DDR2: variants seen among roughly 807,000 people sequenced by gnomAD.
DDR2 encodes the protein discoidin domain receptor tyrosine kinase 2.
DDR2 carries 27 observed loss-of-function variants against 94.9 expected under a neutral mutation model. That is an observed-to-expected ratio of 0.28 (90% CI 0.21 to 0.39). DDR2 has a LOEUF of 0.39. Ranked by LOEUF, DDR2 falls within the 10% of genes least tolerant of loss-of-function variation. The pLI is 1.00. For missense variants in DDR2, 783 were observed against 1,076.0 expected (o/e 0.73, Z 3.81); for synonymous variants, 382 against 377.2 (o/e 1.01, Z -0.15).
chr1:162,652,609 A>C (rs17472834), intron 1 of DDR2, among the ~76,000 whole-genome samples: 2,520 of 152,358 alleles, frequency 0.017, 24 homozygotes, highest in Non-Finnish European at 0.026. Context: ...ACAGACAATA[A>C]GGAGAGAGGA....
chr1:162,741,194 T>TAACACAATAC (rs1553250247), intron 3 of DDR2, among the ~76,000 whole-genome samples: 3 of 77,542 alleles, frequency 3.9e-5, no homozygotes, highest in Admixed American at 1.4e-4. Flanking sequence ...TAACATAACA[T>TAACACAATAC]AATACAATAC....
At chr1:162,732,130 C>T (rs757554385) in intron 3 of DDR2, among the ~76,000 whole-genome samples, 13 of 152,198 alleles carry the variant, frequency 8.5e-5, no homozygotes, top group Non-Finnish European at 1.6e-4. Context: ...GTATTTTGGG[C>T]TTCCAGGAAA....
At chr1:162,647,631 G>C (rs913458679) in intron 1 of DDR2, among the ~76,000 whole-genome samples, 3 of 152,202 alleles carry the variant, frequency 2.0e-5, no homozygotes, top group Non-Finnish European at 2.9e-5. Context: ...AAAAGGGGCA[G>C]GGATTTCCTT....
At chr1:162,645,454 G>C (rs971191170) in intron 1 of DDR2, among the ~76,000 whole-genome samples, 3 of 152,118 alleles carry the variant, frequency 2.0e-5, no homozygotes, top group Non-Finnish European at 2.9e-5. Context: ...ATTTGAGAGA[G>C]AGAGAGAAAA....
intron 14 of DDR2, among the ~76,000 whole-genome samples, chr1:162,774,655 A>C (rs116149691): frequency 0.011 from 1,650 of 152,328 alleles, 33 homozygotes; most frequent in African/African-American, 0.037. Context: ...GAGGGGAAAC[A>C]AAACCAAACC....
chr1:162,669,529 C>T (rs1246818908), intron 2 of DDR2, among the ~76,000 whole-genome samples: 3 of 152,168 alleles, frequency 2.0e-5, no homozygotes, highest in Admixed American at 2.0e-4. Context: ...TTGTTATAAA[C>T]ATGCGTGTGT....
intron 6 of DDR2, 148 bp from the exon 7 acceptor site, chr1:162,755,516 G>A: frequency 9.9e-7 from 1 of 1,008,086 alleles, no homozygotes; most frequent in Non-Finnish European, 1.5e-6. Context: ...GACTGCCATG[G>A]AGGGGCACTC....
At chr1:162,638,806 G>A (rs543697736) in intron 1 of DDR2, among the ~76,000 whole-genome samples, 2 of 152,306 alleles carry the variant, frequency 1.3e-5, no homozygotes, top group Admixed American at 6.5e-5. Context: ...TCAGACAGAT[G>A]CAGTTGTAAT....
chr1:162,693,165 G>A (rs1213836911), intron 2 of DDR2, among the ~76,000 whole-genome samples: 1 of 152,158 alleles, frequency 6.6e-6, no homozygotes, highest in Non-Finnish European at 1.5e-5. Flanking sequence ...CTTTGGGGAA[G>A]AGCAAGAGGT....
At chr1:162,639,584 C>G (rs930888080) in intron 1 of DDR2, among the ~76,000 whole-genome samples, 1 of 152,172 alleles carries the variant, frequency 6.6e-6, no homozygotes, top group Non-Finnish European at 1.5e-5. Context: ...ATTGTGATGA[C>G]TTTTTAGTTA....
intron 3 of DDR2, chr1:162,741,583 A>C: frequency 1.0e-6 from 1 of 985,386 alleles, no homozygotes; most frequent in Non-Finnish European, 1.2e-6. Context: ...TATCAGGGTC[A>C]AGATGGCAAT....
intron 1 of DDR2, among the ~76,000 whole-genome samples, chr1:162,645,180 A>G (rs193019071): frequency 1.1e-3 from 173 of 152,360 alleles, no homozygotes; most frequent in African/African-American, 3.8e-3. Flanking sequence ...CAAGAGAGAC[A>G]GGTGATGATA....
chr1:162,780,006 G>T, intron 17 of DDR2, 106 bp from the exon 18 acceptor site: 1 of 1,536,222 alleles, frequency 6.5e-7, no homozygotes. Context: ...AAGAAAGTGG[G>T]CAGGGGGCAA....
intron 9 of DDR2, among the ~76,000 whole-genome samples, chr1:162,763,154 T>C (rs1349649966): frequency 6.6e-6 from 1 of 150,626 alleles, no homozygotes; most frequent in Non-Finnish European, 1.5e-5. Context: ...TTTTTAATAC[T>C]CAAGTTGTGC....
At chr1:162,776,567 A>G (rs1056293266) in intron 16 of DDR2, among the ~76,000 whole-genome samples, 197 bp downstream of exon 16, 1 of 152,238 alleles carries the variant, frequency 6.6e-6, no homozygotes, top group Admixed American at 6.5e-5. Flanking sequence ...ATTAACACAC[A>G]TAAAAATTTA....
At position 162,775,805 on chromosome 1, in the gene DDR2, G is replaced by T. The variant is rs1558081070; in HGVS notation, c.2010G>T (p.Glu670Asp). 2 of 1,614,010 alleles carry T rather than the reference G, an allele frequency of 1.2e-6. No individual in the cohort carries two copies. The highest frequency in any genetic ancestry group is 1.7e-6 in the Non-Finnish European group (2 of 1,179,988). ...TCAATCAGTTTCTTTCCCGCCACGA[G>T]CCCCCTAATTCTTCCTCCAGCGATG... ...GDLNQFLSRH[E>D]PPNSSSSDVR... Residue 670 changes from glutamate (E) to aspartate (D), a missense_variant, in exon 15 of 18, where the codon GAG becomes GAT. Glu to Asp is a conservative substitution (Grantham distance 45, BLOSUM62 2). Around this residue, in one of 2 missense-constraint regions of DDR2, gnomAD observed 264 missense variants for 428.2 expected, o/e 0.62. Transcript: ENST00000367921.
intron 2 of DDR2, among the ~76,000 whole-genome samples, chr1:162,693,979 G>A (rs964635707): frequency 3.3e-5 from 5 of 152,194 alleles, no homozygotes; most frequent in East Asian, 1.9e-4. Flanking sequence ...AGGCTCAAGC[G>A]CTTCTTCTGC....
chr1:162,722,733 G>A (rs1464480831), intron 3 of DDR2, among the ~76,000 whole-genome samples: 3 of 152,204 alleles, frequency 2.0e-5, no homozygotes, highest in South Asian at 2.1e-4. Flanking sequence ...CAGTGAGGGA[G>A]TTGTTACGTG....
chr1:162,737,728 C>T (rs1488886276), intron 3 of DDR2, among the ~76,000 whole-genome samples: 8 of 115,518 alleles, frequency 6.9e-5, no homozygotes, highest in Middle Eastern at 3.7e-3. Flanking sequence ...CCTGAGGAAT[C>T]GCCACACTGA....
Sources: allele counts gnomAD v4.1 joint callset (sites outside exome capture counted in the v4.1 genomes callset), GRCh38; gene constraint gnomAD v4.1.1; regional missense constraint gnomAD v4.1.1; transcripts MANE v1.5; gene names NCBI Gene and HGNC (gene_info 2026-07-23, HGNC 2026-07-21).